The following MYO3A variants were observed in gnomAD, a reference collection of about 807,000 sequenced individuals.
MYO3A encodes myosin IIIA.
In MYO3A, 180 loss-of-function variants were observed where a neutral mutation model predicts 192.7. The observed-to-expected ratio is 0.93, with a 90% confidence interval of 0.83 to 1.06. The LOEUF (loss-of-function observed/expected upper bound fraction) is 1.06, where lower values mean the gene tolerates loss of function less well. Ranked by LOEUF, MYO3A falls within the 50% of genes least tolerant of loss-of-function variation. MYO3A has a pLI of 0.00. For synonymous variants in MYO3A, 628 were observed against 645.3 expected, an observed-to-expected ratio of 0.97 and a Z score of 0.41; for missense variants, 1,896 against 1,905.0, an observed-to-expected ratio of 1.00 and a Z score of 0.09.
intron 4 of MYO3A, among the ~76,000 whole-genome samples, chr10:25,977,513 A>G (rs1839032818): frequency 6.6e-6 from 1 of 152,200 alleles, no homozygotes; most frequent in African/African-American, 2.4e-5. Context: ...AAACCAATAT[A>G]CATTCAAAGC....
intron 17 of MYO3A, among the ~76,000 whole-genome samples, chr10:26,105,943 A>G (rs1466204480): frequency 6.6e-6 from 1 of 152,102 alleles, no homozygotes; most frequent in Non-Finnish European, 1.5e-5. Flanking sequence ...CTTATATGAC[A>G]TATAATCTAT....
At chr10:26,172,563 C>T (rs928612506) in intron 29 of MYO3A, among the ~76,000 whole-genome samples, 1 of 152,174 alleles carries the variant, frequency 6.6e-6, no homozygotes, top group Non-Finnish European at 1.5e-5. Flanking sequence ...ATGGATTTTT[C>T]GGAACGTAAT....
At chr10:26,193,998 C>A (rs1466155283) in intron 32 of MYO3A, among the ~76,000 whole-genome samples, 1 of 152,172 alleles carries the variant, frequency 6.6e-6, no homozygotes, top group Admixed American at 6.5e-5. Flanking sequence ...GTCTCATAAA[C>A]CAAGAACCTG....
intron 3 of MYO3A, among the ~76,000 whole-genome samples, chr10:25,952,951 G>C (rs1185465263): frequency 6.6e-6 from 1 of 150,700 alleles, no homozygotes; most frequent in South Asian, 2.1e-4. Context: ...AAGAGCATGA[G>C]ACTACTGAGA....
rs1325969279 is a variant in MYO3A at position 25,996,750 on chromosome 10, CT to C, written c.408+163del. 4.6e-5 allele frequency among the ~76,000 whole-genome samples: 7 copies of C among 152,156 alleles called. No homozygotes were observed. In the East Asian group the frequency reaches 1.2e-3, roughly 25 times the overall value. On this transcript the variant is annotated intron_variant, in intron 5 of 34. Transcript: ENST00000642920. ...TCTGACATGTTCAGCATAGCTAATT[CT>C]TTTTTTCCACTACAAATTTACTTTC...
intron 34 of MYO3A, among the ~76,000 whole-genome samples, chr10:26,205,547 T>G (rs966428507): frequency 2.7e-5 from 4 of 150,524 alleles, no homozygotes. Context: ...CTTCTTTCAC[T>G]TAGCATTCTG....
At chr10:26,136,837 T>C (rs951511924) in intron 20 of MYO3A, among the ~76,000 whole-genome samples, 1 of 152,102 alleles carries the variant, frequency 6.6e-6, no homozygotes. Context: ...CTGGCCAACA[T>C]GGTGAAACTC....
At chr10:25,944,298 G>T (rs887018005) in intron 2 of MYO3A, among the ~76,000 whole-genome samples, 4 of 152,036 alleles carry the variant, frequency 2.6e-5, no homozygotes, top group Non-Finnish European at 5.9e-5. Flanking sequence ...AAGTTAGTTT[G>T]CCTGTATTTT....
In MYO3A at chr10:26,021,625, G is replaced by C; in HGVS notation, c.708G>C (p.Met236Ile). The change falls in exon 8 of 35, where the codon ATG becomes ATC. Residue 236 changes from methionine to isoleucine, a missense_variant. Met to Ile is a conservative substitution (Grantham distance 10). Coordinates refer to ENST00000642920, the MANE Select transcript of MYO3A (RefSeq NM_017433.5). ...GDPPLADLHP[M>I]RALFKIPRNP... ...CTCCACTAGCTGACCTTCATCCCAT[G>C]AGAGCACTCTTCAAAATACCAAGGT... 1.2e-6 allele frequency: 2 copies of C among 1,614,116 alleles called. No homozygotes were observed. The highest frequency in any genetic ancestry group is 1.7e-6 in the Non-Finnish European group (2 of 1,179,988).
chr10:25,955,213 A>G (rs1346152703), intron 4 of MYO3A, among the ~76,000 whole-genome samples: 7 of 152,196 alleles, frequency 4.6e-5, no homozygotes, highest in Admixed American at 4.6e-4. Context: ...AGTAAATATT[A>G]AAAAGAAATG....
At chr10:26,168,984 T>C in intron 28 of MYO3A, 110 bp downstream of exon 28, 1 of 1,064,104 alleles carries the variant, frequency 9.4e-7, no homozygotes, top group Non-Finnish European at 1.4e-6. Flanking sequence ...CCAGACTGTG[T>C]TGCCTTGATA....
intron 20 of MYO3A, among the ~76,000 whole-genome samples, chr10:26,131,130 CT>C (rs1839508977): frequency 6.6e-6 from 1 of 152,136 alleles, no homozygotes; most frequent in Non-Finnish European, 1.5e-5. Flanking sequence ...ACCTCTGTTC[CT>C]GCTTAAACCA....
intron 17 of MYO3A, among the ~76,000 whole-genome samples, chr10:26,103,445 T>G (rs1837601786): frequency 6.6e-6 from 1 of 152,196 alleles, no homozygotes; most frequent in Non-Finnish European, 1.5e-5. Flanking sequence ...AATGCAGAAA[T>G]CACCCATCTT....
intron 8 of MYO3A, chr10:26,022,719 AG>A (rs1360034297): frequency 1.3e-3 from 204 of 152,304 alleles, no homozygotes; most frequent in African/African-American, 4.6e-3. Flanking sequence ...TGTAAGGTGA[AG>A]TTCTGTACTG....
chr10:25,953,485 C>T (rs560755912), intron 3 of MYO3A, among the ~76,000 whole-genome samples: 4 of 152,142 alleles, frequency 2.6e-5, no homozygotes, highest in African/African-American at 9.6e-5. Flanking sequence ...AACTTCTAAG[C>T]ATTTAAACTG....
At chr10:26,145,381 A>C in intron 21 of MYO3A, 65 bp from the exon 22 acceptor site, 1 of 1,129,620 alleles carries the variant, frequency 8.9e-7, no homozygotes, top group Non-Finnish European at 1.3e-6. Flanking sequence ...ATGGTAAATA[A>C]TTTTCGCAGT....
chr10:25,954,873 G>T lies in MYO3A; in HGVS notation c.169-1G>T. On this transcript the variant is annotated splice_acceptor_variant, in intron 3 of 34. Coordinates refer to ENST00000642920, the MANE Select transcript of MYO3A (RefSeq NM_017433.5). LOFTEE classifies it high-confidence loss of function. ...CTATTCTTATGACTTTTTGAAACTAGGATATTGACGAAGAGATTGAAGCAG... is the reference window on the plus strand; with the variant it reads ...CTATTCTTATGACTTTTTGAAACTATGATATTGACGAAGAGATTGAAGCAG... 6.2e-7 allele frequency: 1 copy of T among 1,611,670 alleles called. No homozygotes were observed. Among genetic ancestry groups the T allele is most frequent in the Non-Finnish European group, 8.5e-7 (1 of 1,178,414 alleles).
intron 25 of MYO3A, 137 bp downstream of exon 25, chr10:26,154,960 A>G (rs1841027625): frequency 2.6e-6 from 2 of 755,952 alleles, no homozygotes; most frequent in Non-Finnish European, 4.5e-6. Context: ...AGGATATGTT[A>G]GCATCTACCT....
intron 17 of MYO3A, among the ~76,000 whole-genome samples, chr10:26,112,551 G>A (rs1838254268): frequency 6.6e-6 from 1 of 152,138 alleles, no homozygotes; most frequent in Non-Finnish European, 1.5e-5. Context: ...CACAGCATGC[G>A]ACCTTCACAG....
Sources: gnomAD v4.1 joint callset for allele counts (sites outside exome capture counted in the v4.1 genomes callset) on GRCh38, gnomAD v4.1.1 for gene constraint, MANE v1.5 for transcripts, NCBI Gene and HGNC (gene_info 2026-07-23, HGNC 2026-07-21) for gene names.